NCOA5: variants seen among roughly 807,000 people sequenced by gnomAD.
The protein encoded by NCOA5 is nuclear receptor coactivator 5.
NCOA5 carries 12 observed loss-of-function variants against 59.0 expected under a neutral mutation model. The ratio of observed to expected loss-of-function variants is 0.20; its 90% confidence interval spans 0.13 to 0.33. The LOEUF (loss-of-function observed/expected upper bound fraction) is 0.33. Ranked by LOEUF, NCOA5 falls within the 10% of genes least tolerant of loss-of-function variation. The pLI, the probability that NCOA5 is intolerant of heterozygous loss-of-function variation, is 1.00. For synonymous variants in NCOA5, 270 were observed against 275.5 expected, an observed-to-expected ratio of 0.98 and a Z score of 0.20; for missense variants, 655 against 766.6, an observed-to-expected ratio of 0.85 and a Z score of 1.72.
At chr20:46,088,886 T>G (rs2085070309) in intron 1 of NCOA5, among the ~76,000 whole-genome samples, 1 of 152,240 alleles carries the variant, frequency 6.6e-6, no homozygotes, top group Non-Finnish European at 1.5e-5. Flanking sequence ...GACGCACTGT[T>G]TATTTCAACA....
intron 6 of NCOA5, 141 bp downstream of exon 6, chr20:46,064,888 C>G (rs2084804698): frequency 1.3e-6 from 1 of 762,746 alleles, no homozygotes; most frequent in Admixed American, 2.4e-5. Flanking sequence ...ATGCAAGACT[C>G]TTCCATGGTA....
chr20:46,075,100 C>A (rs565627638), intron 2 of NCOA5, among the ~76,000 whole-genome samples: 59 of 152,196 alleles, frequency 3.9e-4, no homozygotes, highest in Non-Finnish European at 1.9e-4. Context: ...GGGCTTCATG[C>A]TACTGTTAGA....
At chr20:46,079,340 C>T (rs764396395) in intron 2 of NCOA5, 47 bp downstream of exon 2, 2 of 1,601,692 alleles carry the variant, frequency 1.2e-6, no homozygotes, top group African/African-American at 2.7e-5. Flanking sequence ...CTTAACTCCC[C>T]AGAGCCCAAC....
At chr20:46,080,988 G>A (rs1022877658) in intron 1 of NCOA5, among the ~76,000 whole-genome samples, 11 of 152,056 alleles carry the variant, frequency 7.2e-5, no homozygotes, top group African/African-American at 2.7e-4. Context: ...TAATTGTGAA[G>A]AATACTAGTT....
intron 2 of NCOA5, among the ~76,000 whole-genome samples, chr20:46,075,002 CT>C (rs1178723048): frequency 1.3e-5 from 2 of 152,222 alleles, no homozygotes; most frequent in East Asian, 3.8e-4. Flanking sequence ...CCTTCATTAG[CT>C]CTTCAAACTT....
chr20:46,065,480 T>C (rs913043961), intron 5 of NCOA5, among the ~76,000 whole-genome samples: 4 of 152,218 alleles, frequency 2.6e-5, no homozygotes, highest in African/African-American at 9.7e-5. Flanking sequence ...TCTCTAGCCC[T>C]GTGGTCCTTC....
At chr20:46,070,807 G>C (rs909087844) in intron 2 of NCOA5, among the ~76,000 whole-genome samples, 3 of 152,130 alleles carry the variant, frequency 2.0e-5, no homozygotes, top group Non-Finnish European at 4.4e-5. Flanking sequence ...GGCTTTCAAA[G>C]TGAAAGTGTC....
At position 46,065,118 on chromosome 20, in the gene NCOA5, C is replaced by G; in HGVS notation, c.740G>C (p.Arg247Thr). The G allele has an allele frequency of 6.2e-7, 1 of 1,614,220 alleles. No homozygotes were observed. The change falls in exon 6 of 8, where the codon AGG (arginine) becomes ACG (threonine). Residue 247 changes from arginine (R) to threonine (T), a missense_variant. By Grantham distance (71) the Arg-to-Thr change is moderately conservative (BLOSUM62 -1). Coordinates refer to ENST00000290231, the MANE Select transcript of NCOA5 (RefSeq NM_020967.3). ...SLSQALEDVS[R>T]GGSPFAIVIT... ...GACAATAGCAAAAGGAGAACCTCCCCTGCTAACATCCTCCAAGGCTTGTGA... is the reference window on the plus strand; with the variant it reads ...GACAATAGCAAAAGGAGAACCTCCCGTGCTAACATCCTCCAAGGCTTGTGA...
intron 7 of NCOA5, 53 bp downstream of exon 7, chr20:46,063,307 G>C (rs753819790): frequency 3.3e-5 from 51 of 1,565,716 alleles, no homozygotes; most frequent in Admixed American, 2.6e-4. Flanking sequence ...AGAGCCTGGG[G>C]ATTAGAGAAA....
At chr20:46,088,140 A>C (rs2085063371) in intron 1 of NCOA5, among the ~76,000 whole-genome samples, 1 of 152,134 alleles carries the variant, frequency 6.6e-6, no homozygotes, top group Non-Finnish European at 1.5e-5. Flanking sequence ...CACACTATTA[A>C]CTTACAAGTA....
chr20:46,081,032 T>G (rs767994451), intron 1 of NCOA5, among the ~76,000 whole-genome samples: 3 of 152,134 alleles, frequency 2.0e-5, no homozygotes, highest in Non-Finnish European at 2.9e-5. Context: ...GTTCACTTAC[T>G]GTGTACCACT....
intron 3 of NCOA5, among the ~76,000 whole-genome samples, chr20:46,069,507 G>A (rs908818556): frequency 9.9e-5 from 15 of 152,176 alleles, no homozygotes; most frequent in African/African-American, 1.9e-4. Context: ...AAGCCAAGGC[G>A]GGAGGATACC....
intron 2 of NCOA5, among the ~76,000 whole-genome samples, chr20:46,071,674 A>G (rs962337791): frequency 2.6e-5 from 4 of 152,246 alleles, no homozygotes; most frequent in Non-Finnish European, 4.4e-5. Flanking sequence ...CTTAATTCTT[A>G]TAACTCACAA....
rs371313515 is a variant in NCOA5 at position 46,062,036 on chromosome 20, G to A, written c.*264C>T. ...ACCGGAGAAACCCCATCAAATACAA[G>A]CCCAGACACCTGTACTGCCCCCGGA... On this transcript the variant is annotated 3_prime_UTR_variant, in exon 8 of 8. Transcript: ENST00000290231. 1 of 304,034 alleles carries A rather than the reference G, an allele frequency of 3.3e-6. No homozygotes were observed. The highest frequency in any genetic ancestry group is 2.1e-5 in the African/African-American group (1 of 46,912). The allele number at this position is 304,034 out of a possible 1,614,324, so 18.8% of individuals were successfully genotyped here. A position where few individuals can be genotyped will look rare whatever the true frequency, so the allele number is the denominator to read the frequency against.
intron 1 of NCOA5, among the ~76,000 whole-genome samples, chr20:46,087,330 T>C (rs1430852476): frequency 6.6e-6 from 1 of 152,236 alleles, no homozygotes; most frequent in Non-Finnish European, 1.5e-5. Context: ...TTATTAATCC[T>C]CACAGTAGTA....
intron 1 of NCOA5, among the ~76,000 whole-genome samples, chr20:46,084,705 A>G (rs2085028527): frequency 6.6e-6 from 1 of 152,162 alleles, no homozygotes; most frequent in African/African-American, 2.4e-5. Context: ...TTTCTGACAA[A>G]ATGGATATTC....
At chr20:46,082,980 T>C (rs750535171) in intron 1 of NCOA5, among the ~76,000 whole-genome samples, 9 of 152,220 alleles carry the variant, frequency 5.9e-5, no homozygotes, top group Non-Finnish European at 1.0e-4. Context: ...CATGTTTCTT[T>C]CACTCACAGT....
At chr20:46,067,727 G>C (rs1418196107) in intron 4 of NCOA5, among the ~76,000 whole-genome samples, 1 of 151,904 alleles carries the variant, frequency 6.6e-6, no homozygotes, top group East Asian at 1.9e-4. Context: ...AATAATTTAA[G>C]AACCTTTAAA....
At chr20:46,075,260 G>C (rs991856792) in intron 2 of NCOA5, among the ~76,000 whole-genome samples, 1 of 152,172 alleles carries the variant, frequency 6.6e-6, no homozygotes, top group African/African-American at 2.4e-5. Context: ...AGCACAAACA[G>C]AACTTTCTTA....
Sources: allele counts gnomAD v4.1 joint callset (sites outside exome capture counted in the v4.1 genomes callset), GRCh38; gene constraint gnomAD v4.1.1; transcripts MANE v1.5; gene names NCBI Gene and HGNC (gene_info 2026-07-23, HGNC 2026-07-21).